Variants in NELL2 observed in about 807,000 individuals in gnomAD.
The protein encoded by NELL2 is neural EGFL like 2, also known as protein kinase C-binding protein NELL2.
A neutral mutation model predicts 109.6 loss-of-function variants in NELL2; 41 were observed. The ratio of observed to expected loss-of-function variants is 0.37; its 90% CI spans 0.29 to 0.49. NELL2 has a LOEUF of 0.49. NELL2 is among the 20% of genes least tolerant of loss of function. The pLI is 0.98. For missense variants in NELL2, 900 were observed against 1,008.3 expected (o/e 0.89, Z 1.45); for synonymous variants, 355 against 344.7 (o/e 1.03, Z -0.33).
At chr12:44,582,493 A>G (rs556831080) in intron 15 of NELL2, among the ~76,000 whole-genome samples, 1 of 152,300 alleles carries the variant, frequency 6.6e-6, no homozygotes, top group African/African-American at 2.4e-5. Flanking sequence ...CAAGCTGGGT[A>G]TTAGAAAAGT....
chr12:44,851,572 G>A (rs1944535302), intron 2 of NELL2: 2 of 152,044 alleles, frequency 1.3e-5, no homozygotes, highest in African/African-American at 2.4e-5. Context: ...TTTACTACCA[G>A]TAATTTTTTT....
chr12:44,861,833 C>T (rs1342534938), intron 2 of NELL2, among the ~76,000 whole-genome samples: 1 of 152,254 alleles, frequency 6.6e-6, no homozygotes, highest in East Asian at 1.9e-4. Context: ...CCATGCCAGA[C>T]AGTCTTCCTG....
chr12:44,534,861 T>C (rs1246560286), intron 15 of NELL2, among the ~76,000 whole-genome samples: 1 of 152,062 alleles, frequency 6.6e-6, no homozygotes, highest in Non-Finnish European at 1.5e-5. Context: ...CCATTATATT[T>C]AGCCTTCAAA....
At chr12:44,521,812 A>G in intron 18 of NELL2, 188 bp downstream of exon 18, 1 of 574,746 alleles carries the variant, frequency 1.7e-6, no homozygotes, top group Non-Finnish European at 3.1e-6. Context: ...TACCACATCT[A>G]CCTCAGAATA....
At chr12:44,539,787 C>T (rs1267879106) in intron 15 of NELL2, among the ~76,000 whole-genome samples, 1 of 152,118 alleles carries the variant, frequency 6.6e-6, no homozygotes, top group Non-Finnish European at 1.5e-5. Flanking sequence ...TTATATTTTA[C>T]ACCATATCTC....
chr12:44,544,243 T>C (rs1356580346), intron 15 of NELL2, among the ~76,000 whole-genome samples: 1 of 152,148 alleles, frequency 6.6e-6, no homozygotes, highest in Non-Finnish European at 1.5e-5. Context: ...GGTGATGGTA[T>C]AACAGAGATA....
At chr12:44,877,655 A>G (rs756116466), upstream of NELL2, among the ~76,000 whole-genome samples, 1 of 152,152 alleles carries the variant, frequency 6.6e-6, no homozygotes, top group Non-Finnish European at 1.5e-5. Context: ...AGTGGAATAC[A>G]TATACTATAT....
At chr12:44,575,266 T>A (rs1405329785) in intron 15 of NELL2, among the ~76,000 whole-genome samples, 7 of 152,272 alleles carry the variant, frequency 4.6e-5, no homozygotes, top group African/African-American at 1.7e-4. Flanking sequence ...AATCCCTTTT[T>A]AACTTACTTA....
chr12:44,746,537 G>A (rs962246443), intron 9 of NELL2, among the ~76,000 whole-genome samples: 9 of 152,124 alleles, frequency 5.9e-5, no homozygotes, highest in Admixed American at 5.9e-4. Flanking sequence ...GAAAATTTTT[G>A]CAACCTACTC....
chr12:44,858,395 C>T (rs1944742766), intron 2 of NELL2, among the ~76,000 whole-genome samples: 1 of 152,166 alleles, frequency 6.6e-6, no homozygotes, highest in Non-Finnish European at 1.5e-5. Context: ...TAGGGAGAGA[C>T]ACATGGTTGC....
intron 17 of NELL2, chr12:44,522,872 A>G (rs1360460463): frequency 1.9e-5 from 3 of 157,750 alleles, no homozygotes; most frequent in African/African-American, 7.2e-5. Flanking sequence ...AAATTTTATC[A>G]ACATGTGGAT....
intron 16 of NELL2, among the ~76,000 whole-genome samples, chr12:44,532,291 T>C (rs1456983336): frequency 6.6e-6 from 1 of 152,202 alleles, no homozygotes; most frequent in Non-Finnish European, 1.5e-5. Context: ...TGCTTTCGTT[T>C]TAAAAAATTT....
intron 3 of NELL2, among the ~76,000 whole-genome samples, chr12:44,808,116 G>A (rs1012777002): frequency 6.6e-6 from 1 of 152,080 alleles, no homozygotes; most frequent in African/African-American, 2.4e-5. Flanking sequence ...ATATGGGCTG[G>A]TTAGTCTATG....
chr12:44,518,714 G>A (rs1349027902), intron 19 of NELL2, among the ~76,000 whole-genome samples: 3 of 152,094 alleles, frequency 2.0e-5, no homozygotes, highest in Non-Finnish European at 4.4e-5. Context: ...GAAAGATTAA[G>A]GGTGTAAGAG....
chr12:44,523,144 G>A, intron 17 of NELL2, 147 bp downstream of exon 17: 1 of 817,500 alleles, frequency 1.2e-6, no homozygotes, highest in Non-Finnish European at 1.9e-6. Context: ...GCAACATTTG[G>A]GATAATGGAA....
At chr12:44,903,687 A>C (rs1376264524) in intron 1 of NELL2, among the ~76,000 whole-genome samples, 1 of 152,196 alleles carries the variant, frequency 6.6e-6, no homozygotes, top group African/African-American at 2.4e-5. Context: ...GCACATATGC[A>C]CTGTAGAATA....
At chr12:44,777,441 G>T in intron 5 of NELL2, 127 bp from the exon 6 acceptor site, 1 of 707,052 alleles carries the variant, frequency 1.4e-6, no homozygotes, top group Non-Finnish European at 2.4e-6. Flanking sequence ...AAAAGTCTTT[G>T]TTAATACATT....
chr12:44,733,526 A>G (rs1939480830), intron 9 of NELL2, among the ~76,000 whole-genome samples: 2 of 151,886 alleles, frequency 1.3e-5, no homozygotes, highest in Non-Finnish European at 1.5e-5. Context: ...TCCAAGCAGA[A>G]AACAGAGTGA....
At chr12:44,767,994 T>TA (rs892596922) in intron 9 of NELL2, among the ~76,000 whole-genome samples, 33 of 152,314 alleles carry the variant, frequency 2.2e-4, no homozygotes, top group African/African-American at 7.7e-4. Context: ...ATGGTAGAGT[T>TA]AAACTACTTA....
Sources: allele counts gnomAD v4.1 joint callset (sites outside exome capture counted in the v4.1 genomes callset), GRCh38; gene constraint gnomAD v4.1.1; transcripts MANE v1.5; gene names NCBI Gene and HGNC (gene_info 2026-07-23, HGNC 2026-07-21).